FERMT2: variants seen among roughly 807,000 people sequenced by gnomAD.
FERMT2 encodes the protein fermitin family homolog 2.
A neutral mutation model predicts 82.7 loss-of-function variants in FERMT2; 15 were observed. That is an observed-to-expected ratio of 0.18 (90% CI 0.12 to 0.28). The LOEUF (loss-of-function observed/expected upper bound fraction) is 0.28, where lower values mean the gene tolerates loss of function less well. Ranked by LOEUF, FERMT2 falls within the 10% of genes least tolerant of loss-of-function variation. The pLI, the probability that FERMT2 is intolerant of heterozygous loss-of-function variation, is 1.00. For missense variants in FERMT2, 645 were observed against 809.4 expected (o/e 0.80, Z 2.46); for synonymous variants, 274 against 271.5 (o/e 1.01, Z -0.09).
At chr14:52,947,731 G>A (rs1890427126) in intron 2 of FERMT2, among the ~76,000 whole-genome samples, 1 of 152,032 alleles carries the variant, frequency 6.6e-6, no homozygotes, top group African/African-American at 2.4e-5. Context: ...GACACACAAG[G>A]GCCAAACCAT....
chr14:52,901,473 G>C (rs139224929), intron 3 of FERMT2, among the ~76,000 whole-genome samples: 5 of 152,116 alleles, frequency 3.3e-5, no homozygotes, highest in Admixed American at 6.5e-5. Flanking sequence ...CTTATCAAAT[G>C]ATTTTAGGGA....
chr14:52,886,302 T>C (rs914841647), intron 4 of FERMT2, among the ~76,000 whole-genome samples: 11 of 150,284 alleles, frequency 7.3e-5, no homozygotes. Context: ...ACAGACAGAG[T>C]GTGTGTGATA....
chr14:52,859,785 AT>A, intron 13 of FERMT2, 71 bp from the exon 14 acceptor site: 1 of 900,220 alleles, frequency 1.1e-6, no homozygotes, highest in Non-Finnish European at 1.7e-6. Flanking sequence ...TTTCTTCAAG[AT>A]AAGTGTTCTC....
intron 3 of FERMT2, among the ~76,000 whole-genome samples, chr14:52,903,004 C>T (rs1250766360): frequency 1.4e-5 from 2 of 144,728 alleles, no homozygotes; most frequent in South Asian, 2.2e-4. Context: ...ACAGTAACAG[C>T]GAGAACAGAG....
rs1486500295 is a variant in FERMT2, at chr14:52,858,154, T to C, written c.*223A>G. 8.4e-6 allele frequency: 4 copies of C among 477,696 alleles called. No individual in the cohort carries two copies. The East Asian group carries it at 1.3e-4, about 16-fold the overall frequency. 29.6% of individuals were successfully genotyped at this position (477,696 alleles called of 1,614,324 possible). On this transcript the variant is annotated 3_prime_UTR_variant, in exon 15 of 15. Coordinates refer to ENST00000341590, the MANE Select transcript of FERMT2 (RefSeq NM_006832.3). ...GCCCACTATTTCAGTTTTCAATTCA[T>C]GGCCCTAAGGAATGTGTGACAAATT...
chr14:52,930,584 T>C (rs969898076), intron 2 of FERMT2, among the ~76,000 whole-genome samples: 22 of 152,166 alleles, frequency 1.4e-4, no homozygotes, highest in Admixed American at 6.5e-5. Context: ...CTGAGGAATA[T>C]CAAATTGTAG....
chr14:52,914,153 A>T (rs546649364), intron 3 of FERMT2, among the ~76,000 whole-genome samples: 38 of 152,200 alleles, frequency 2.5e-4, no homozygotes, highest in Admixed American at 5.2e-4. Flanking sequence ...GCTTGAGCAC[A>T]GAAGTTAAAG....
chr14:52,950,146 TC>T (rs982159021), intron 2 of FERMT2, among the ~76,000 whole-genome samples: 1 of 152,044 alleles, frequency 6.6e-6, no homozygotes, highest in African/African-American at 2.4e-5. Context: ...CCGGCACACA[TC>T]CCCCGTCCCG....
chr14:52,945,644 G>C (rs1281826780), intron 2 of FERMT2, among the ~76,000 whole-genome samples: 1 of 152,060 alleles, frequency 6.6e-6, no homozygotes, highest in East Asian at 1.9e-4. Context: ...TGTAGATTGT[G>C]TGACTTGATC....
intron 3 of FERMT2, among the ~76,000 whole-genome samples, chr14:52,894,886 T>TA (rs3068971): frequency 5.0e-5 from 7 of 140,876 alleles, no homozygotes; most frequent in African/African-American, 1.8e-4. Context: ...TATTTAAAAA[T>TA]AAAAAAAAAA....
Position 52,859,688 on chromosome 14 carries a change from A to C in FERMT2, c.1754T>G (p.Leu585Arg). Residue 585 changes from leucine to arginine, a missense_variant, in exon 14 of 15, where the codon CTT (leucine) becomes CGT (arginine). Transcript: ENST00000341590. ...CAGTCTGTTGTATGCAATTCCAATAAGTTCTTCTTTTTTGCCCCCTTGGAA... is the reference window on the plus strand; with the variant it reads ...CAGTCTGTTGTATGCAATTCCAATACGTTCTTCTTTTTTGCCCCCTTGGAA... ...ARFQGGKKEE[L>R]IGIAYNRLIR... 1 of 1,598,526 alleles carries C rather than the reference A, an allele frequency of 6.3e-7. No individual in the cohort carries two copies. Among genetic ancestry groups the C allele is most frequent in the South Asian group, 1.1e-5 (1 of 87,694 alleles).
chr14:52,898,928 G>A (rs1458024101), intron 3 of FERMT2, among the ~76,000 whole-genome samples: 3 of 152,166 alleles, frequency 2.0e-5, no homozygotes, highest in East Asian at 1.9e-4. Context: ...ATTTCGAAAA[G>A]TTCTCCCAAA....
intron 10 of FERMT2, among the ~76,000 whole-genome samples, chr14:52,865,864 C>A (rs1885246140): frequency 6.6e-6 from 1 of 152,106 alleles, no homozygotes; most frequent in Non-Finnish European, 1.5e-5. Flanking sequence ...TCTTTATTCT[C>A]CTCCCCAGAA....
At chr14:52,883,353 T>G (rs1886400164) in intron 4 of FERMT2, among the ~76,000 whole-genome samples, 1 of 152,186 alleles carries the variant, frequency 6.6e-6, no homozygotes, top group Non-Finnish European at 1.5e-5. Context: ...TTGAAAGGAC[T>G]AATTGGGCAC....
At chr14:52,905,256 AAGTAAC>A (rs1887937040) in intron 3 of FERMT2, among the ~76,000 whole-genome samples, 1 of 152,064 alleles carries the variant, frequency 6.6e-6, no homozygotes, top group Non-Finnish European at 1.5e-5. Context: ...ATAAATCAAG[AAGTAAC>A]AGTATAAGCA....
intron 4 of FERMT2, among the ~76,000 whole-genome samples, chr14:52,890,142 A>G (rs1886854247): frequency 6.6e-6 from 1 of 151,112 alleles, no homozygotes; most frequent in Non-Finnish European, 1.5e-5. Context: ...AAATACATAA[A>G]ATAAAGAAGG....
At chr14:52,892,166 G>T (rs1056888175) in intron 4 of FERMT2, among the ~76,000 whole-genome samples, 1,530 of 128,718 alleles carry the variant, frequency 0.012, 21 homozygotes, top group African/African-American at 0.041. Context: ...GCTGTTTTTT[G>T]TTTTTTTTTT....
In FERMT2 at chr14:52,858,349, G is replaced by T; in HGVS notation, c.*28C>A. The T allele has an allele frequency of 6.3e-7, 1 of 1,575,994 alleles. No individual in the cohort carries two copies. The highest frequency in any genetic ancestry group is 2.2e-5 in the East Asian group (1 of 44,654). On this transcript the variant is annotated 3_prime_UTR_variant, in exon 15 of 15. Coordinates refer to ENST00000341590, the MANE Select transcript of FERMT2 (RefSeq NM_006832.3). ...TTTAAAGTTAAATATTGTTATGGCC[G>T]TGGAGTTTCATTAAACAGTATTCCT...
intron 2 of FERMT2, among the ~76,000 whole-genome samples, chr14:52,921,338 T>C (rs900264495): frequency 1.3e-5 from 2 of 152,222 alleles, no homozygotes; most frequent in Non-Finnish European, 2.9e-5. Flanking sequence ...GTATTACCAT[T>C]TTGAAATTTC....
Sources: gnomAD v4.1 joint callset for allele counts (sites outside exome capture counted in the v4.1 genomes callset) on GRCh38, gnomAD v4.1.1 for gene constraint, MANE v1.5 for transcripts, NCBI Gene and HGNC (gene_info 2026-07-23, HGNC 2026-07-21) for gene names.